The following ABCC2 variants were observed in gnomAD, a reference collection of about 807,000 sequenced individuals.
ABCC2 encodes ATP binding cassette subfamily C member 2, also known as ATP-binding cassette sub-family C member 2.
ABCC2 carries 157 observed loss-of-function variants against 173.4 expected under a neutral mutation model. The observed-to-expected ratio is 0.91, with a 90% CI of 0.80 to 1.03. The LOEUF is 1.03. Ranked by LOEUF, ABCC2 falls within the 50% of genes least tolerant of loss-of-function variation. ABCC2 has a pLI of 0.00. For missense variants in ABCC2, 1,822 were observed against 1,852.3 expected, an observed-to-expected ratio of 0.98 and a Z score of 0.30; for synonymous variants, 657 against 693.5, an observed-to-expected ratio of 0.95 and a Z score of 0.83.
chr10:99,836,296 G>C lies in ABCC2; in HGVS notation c.3614+6G>C, dbSNP rs17222716. On this transcript the variant is annotated splice_donor_region_variant and intron_variant, in intron 25 of 31. Transcript: ENST00000647814. The stretch of plus-strand genomic sequence containing the variant: ...TCCTGGATCACCTCCAACAGGTGAG[G>C]CTTCCCCTGGGTATTTACCCATGTG... 295 of 1,613,908 alleles carry C rather than the reference G, an allele frequency of 1.8e-4. 1 individual carries two copies. The African/African-American group carries it at 3.1e-3, about 17-fold the overall frequency.
chr10:99,850,456 A>G (rs1328565533), intron 30 of ABCC2, 146 bp from the exon 31 acceptor site: 2 of 761,250 alleles, frequency 2.6e-6, no homozygotes, highest in Admixed American at 2.0e-5. Flanking sequence ...AGCAAGGTAC[A>G]GCTAGTTGAA....
chr10:99,795,786 A>G (rs1011875253), intron 6 of ABCC2, among the ~76,000 whole-genome samples: 2 of 145,290 alleles, frequency 1.4e-5, no homozygotes, highest in East Asian at 1.9e-4. Context: ...AAAGAAAGAA[A>G]GAAAGAAAGA....
rs3824610 is a variant in ABCC2, at chr10:99,850,549, C to T, written c.4314-53C>T. On this transcript the variant is annotated intron_variant, in intron 30 of 31. Coordinates refer to ENST00000647814, the MANE Select transcript of ABCC2 (RefSeq NM_000392.5). ...ACATGAAAATGGTCCCCCTGCCCTG[C>T]GTCTTTCCTTGGTCTTTAGGAGCTA... 2.1e-3 allele frequency: 3,257 copies of T among 1,575,258 alleles called. 66 individuals carry two copies. The East Asian group carries it at 0.048, about 23-fold the overall frequency.
intron 9 of ABCC2, among the ~76,000 whole-genome samples, chr10:99,801,398 G>A (rs183223059): frequency 8.5e-5 from 13 of 152,102 alleles, no homozygotes; most frequent in African/African-American, 1.7e-4. Flanking sequence ...CACCACGCCC[G>A]GCTAATTTTT....
At chr10:99,792,793 G>T (rs74152761) in intron 3 of ABCC2, among the ~76,000 whole-genome samples, 1 of 152,152 alleles carries the variant, frequency 6.6e-6, no homozygotes, top group Non-Finnish European at 1.5e-5. Flanking sequence ...CATTTTTTCA[G>T]GGGGTGGGGC....
chr10:99,850,915 A>T, intron 31 of ABCC2, 119 bp downstream of exon 31: 1 of 1,252,276 alleles, frequency 8.0e-7, no homozygotes, highest in East Asian at 2.3e-5. Flanking sequence ...ACTGATGAAG[A>T]AACTGAGACT....
Position 99,847,008 on chromosome 10 carries a change from C to T in ABCC2, c.4194C>T (p.Phe1398=). 1 of 1,614,220 alleles carries T rather than the reference C, an allele frequency of 6.2e-7. No homozygotes were observed. Among genetic ancestry groups the T allele is most frequent in the Non-Finnish European group, 8.5e-7 (1 of 1,180,042 alleles). Residue 1398 remains phenylalanine, a synonymous_variant, in exon 30 of 32, where the codon TTC becomes TTT. Coordinates refer to ENST00000647814, the MANE Select transcript of ABCC2 (RefSeq NM_000392.5). ...GCCTGAGGATGAATCTCGACCCTTT[C>T]AACAACTACTCAGATGAGGAGATTT... ...SGSLRMNLDP[F]NNYSDEEIWK...
chr10:99,788,346 G>T (rs993424752), intron 2 of ABCC2, among the ~76,000 whole-genome samples: 3 of 152,132 alleles, frequency 2.0e-5, no homozygotes, highest in Admixed American at 2.0e-4. Flanking sequence ...AGCCAAACTC[G>T]TACTGATACC....
intron 6 of ABCC2, among the ~76,000 whole-genome samples, chr10:99,796,105 G>A (rs934384804): frequency 4.2e-4 from 64 of 152,214 alleles, no homozygotes; most frequent in African/African-American, 1.4e-3. Context: ...GCTCACACCT[G>A]TAATCCCAGC....
chr10:99,813,136 A>C lies in ABCC2; in HGVS notation c.2086A>C (p.Thr696Pro). ...GEMENVHGHITIKGTTAYVPQ... is the reference protein window; with the variant it reads ...GEMENVHGHIPIKGTTAYVPQ... ...AATGGAAAATGTCCACGGGCACATC[A>C]CCATCAAGGTGAGAGGGAATGCCAA... Residue 696 changes from threonine (T) to proline (P), a missense_variant, in exon 16 of 32, where the codon ACC (threonine) becomes CCC (proline). Thr to Pro is a conservative substitution (Grantham distance 38). Transcript: ENST00000647814. The C allele has an allele frequency of 6.2e-7, 1 of 1,613,730 alleles. No individual in the cohort carries two copies. The highest frequency in any genetic ancestry group is 8.5e-7 in the Non-Finnish European group (1 of 1,179,796).
chr10:99,806,089 GT>G (rs2038098622), intron 11 of ABCC2, among the ~76,000 whole-genome samples: 1 of 150,220 alleles, frequency 6.7e-6, no homozygotes, highest in African/African-American at 2.5e-5. Context: ...GTGTGTGTGT[GT>G]GTGTGTGTGT....
At chr10:99,813,971 CT>C (rs2038262721) in intron 16 of ABCC2, among the ~76,000 whole-genome samples, 1 of 151,838 alleles carries the variant, frequency 6.6e-6, no homozygotes, top group Admixed American at 6.6e-5. Context: ...ACTCTTGGGC[CT>C]TTCTCTTCCT....
At chr10:99,793,028 C>G (rs541731041) in intron 3 of ABCC2, among the ~76,000 whole-genome samples, 2 of 143,876 alleles carry the variant, frequency 1.4e-5, no homozygotes, top group South Asian at 4.8e-4. Flanking sequence ...AATCATGGCT[C>G]TTTCCCCACC....
At position 99,819,225 on chromosome 10, in the gene ABCC2, T is replaced by C. The variant is rs1590171907; in HGVS notation, c.2576T>C (p.Leu859Pro). Residue 859 changes from leucine to proline, a missense_variant, in exon 19 of 32, where the codon CTG becomes CCG. Coordinates refer to ENST00000647814, the MANE Select transcript of ABCC2 (RefSeq NM_000392.5). ...AAAAAAGGAGAGTTTGCTAAGAATC[T>C]GAAGACATTTCTAAGACATACAGGC... Reference protein sequence around the residue: ...LAKKGEFAKNLKTFLRHTGPE... With the variant: ...LAKKGEFAKNPKTFLRHTGPE... The C allele has an allele frequency of 6.2e-7, 1 of 1,614,114 alleles. No homozygotes were observed. The highest frequency in any genetic ancestry group is 8.5e-7 in the Non-Finnish European group (1 of 1,180,036).
chr10:99,835,308 C>T (rs55804858), intron 24 of ABCC2, among the ~76,000 whole-genome samples: 7,898 of 152,198 alleles, frequency 0.052, 228 homozygotes, highest in Middle Eastern at 0.18. Context: ...GTCACCATAG[C>T]GGCCTTTTAA....
chr10:99,817,255 C>T (rs2038437300), intron 16 of ABCC2, 53 bp from the exon 17 acceptor site: 1 of 1,579,648 alleles, frequency 6.3e-7, no homozygotes, highest in South Asian at 1.1e-5. Flanking sequence ...CGTCCTTCAA[C>T]CCTGCGTTTC....
intron 24 of ABCC2, 98 bp from the exon 25 acceptor site, chr10:99,835,993 C>T: frequency 8.3e-7 from 1 of 1,201,560 alleles, no homozygotes; most frequent in Non-Finnish European, 1.2e-6. Flanking sequence ...AAGCTGTGCC[C>T]ATCAAGGGGA....
At chr10:99,827,354 C>T (rs1477245458) in intron 19 of ABCC2, among the ~76,000 whole-genome samples, 1 of 152,126 alleles carries the variant, frequency 6.6e-6, no homozygotes, top group Non-Finnish European at 1.5e-5. Context: ...GATATATCAC[C>T]TCCTGTAATT....
chr10:99,801,655 T>C (rs1432569229), intron 9 of ABCC2, among the ~76,000 whole-genome samples: 1 of 152,234 alleles, frequency 6.6e-6, no homozygotes, highest in Non-Finnish European at 1.5e-5. Context: ...TTATGATCAG[T>C]GACTACAGGC....
Sources: gnomAD v4.1 joint callset for allele counts (sites outside exome capture counted in the v4.1 genomes callset) on GRCh38, gnomAD v4.1.1 for gene constraint, MANE v1.5 for transcripts, NCBI Gene and HGNC (gene_info 2026-07-23, HGNC 2026-07-21) for gene names.